Variants in GALNT17 observed in about 807,000 individuals in gnomAD.
The protein encoded by GALNT17 is UDP-GalNAc:polypeptide N-acetylgalactosaminyltransferase-like 3.
Under a neutral mutation model 63.7 loss-of-function variants are expected in GALNT17, and 29 were observed. The observed-to-expected ratio is 0.46, with a 90% CI of 0.34 to 0.62. The LOEUF (loss-of-function observed/expected upper bound fraction) is 0.62. Ranked by LOEUF, GALNT17 falls within the 20% of genes least tolerant of loss-of-function variation. The probability of loss-of-function intolerance (pLI) is 0.01; values close to 1 mark genes in which losing one functional copy is unlikely to be tolerated. For synonymous variants in GALNT17, 305 were observed against 318.3 expected, an observed-to-expected ratio of 0.96 and a Z score of 0.45; for missense variants, 603 against 799.6, an observed-to-expected ratio of 0.75 and a Z score of 2.97.
intron 5 of GALNT17, among the ~76,000 whole-genome samples, chr7:71,531,792 G>A (rs1358484870): frequency 6.6e-6 from 1 of 152,126 alleles, no homozygotes; most frequent in Non-Finnish European, 1.5e-5. Flanking sequence ...AGCGGGGTCC[G>A]GTCAGGAAGA....
At chr7:71,300,077 C>G in intron 1 of GALNT17, among the ~76,000 whole-genome samples, 1 of 151,954 alleles carries the variant, frequency 6.6e-6, no homozygotes, top group East Asian at 1.9e-4. Context: ...TGCACCCTGC[C>G]CTGGAGGGAA....
chr7:71,605,895 G>A (rs1036063041), intron 6 of GALNT17, among the ~76,000 whole-genome samples: 3 of 152,152 alleles, frequency 2.0e-5, no homozygotes, highest in Non-Finnish European at 2.9e-5. Flanking sequence ...TTGATTGACT[G>A]AGACAGGATC....
At chr7:71,630,929 G>C (rs997206106) in intron 6 of GALNT17, among the ~76,000 whole-genome samples, 6 of 152,182 alleles carry the variant, frequency 3.9e-5, no homozygotes, top group African/African-American at 1.4e-4. Context: ...GATAAATTAG[G>C]GTACAGGTAC....
chr7:71,319,768 G>A (rs1359916956), intron 1 of GALNT17, among the ~76,000 whole-genome samples: 1 of 152,210 alleles, frequency 6.6e-6, no homozygotes, highest in Non-Finnish European at 1.5e-5. Context: ...ACATGTATAA[G>A]TGAGTTGTTC....
chr7:71,366,466 A>T (rs1247593886), intron 2 of GALNT17, among the ~76,000 whole-genome samples: 3 of 152,138 alleles, frequency 2.0e-5, no homozygotes, highest in African/African-American at 7.2e-5. Flanking sequence ...CTGTAATCCC[A>T]GTTACTCGGG....
At chr7:71,383,344 C>T (rs1273699914) in intron 2 of GALNT17, among the ~76,000 whole-genome samples, 5 of 152,142 alleles carry the variant, frequency 3.3e-5, no homozygotes, top group Non-Finnish European at 5.9e-5. Flanking sequence ...TACGCACATC[C>T]TCACATATAC....
chr7:71,154,810 T>A (rs1378534523), intron 1 of GALNT17, among the ~76,000 whole-genome samples: 1 of 151,820 alleles, frequency 6.6e-6, no homozygotes, highest in Non-Finnish European at 1.5e-5. Flanking sequence ...TCTCCTGACC[T>A]CATGATCCAC....
At position 71,648,064 on chromosome 7, in the gene GALNT17, G is replaced by A. The variant is rs184549253; in HGVS notation, c.1081-17347G>A. Among the ~76,000 whole-genome samples the A allele has an allele frequency of 1.7e-3, 265 of 152,230 alleles. 1 individual carries two copies. Among genetic ancestry groups the A allele is most frequent in the African/African-American group, 6.0e-3 (250 of 41,544 alleles). ...TCCTCACAGTCATTATCTCCAACCT[G>A]CCCCTCCCATGGGCCCACACAGAGG... On this transcript the variant is annotated intron_variant, in intron 6 of 10. Transcript: ENST00000333538.
chr7:71,335,142 A>T (rs148735915), intron 1 of GALNT17, among the ~76,000 whole-genome samples: 4,735 of 151,832 alleles, frequency 0.031, 97 homozygotes, highest in South Asian at 0.061. Flanking sequence ...TTATTTATTT[A>T]TTTTTTTGAG....
intron 6 of GALNT17, among the ~76,000 whole-genome samples, chr7:71,657,169 G>C (rs1790841081): frequency 6.6e-6 from 1 of 152,174 alleles, no homozygotes; most frequent in Non-Finnish European, 1.5e-5. Flanking sequence ...CTGCCTCACT[G>C]TTAGGGCAGT....
At chr7:71,543,694 C>T (rs1268374442) in intron 5 of GALNT17, among the ~76,000 whole-genome samples, 1 of 90,824 alleles carries the variant, frequency 1.1e-5, no homozygotes, top group Non-Finnish European at 2.5e-5. Context: ...TGCAGCGTTT[C>T]AGCAGGTTTT....
At chr7:71,252,980 G>A (rs1463576615) in intron 1 of GALNT17, among the ~76,000 whole-genome samples, 1 of 152,164 alleles carries the variant, frequency 6.6e-6, no homozygotes, top group Non-Finnish European at 1.5e-5. Context: ...CCACTCATCT[G>A]AGCCATATGC....
At chr7:71,393,526 C>T (rs1015938824) in intron 3 of GALNT17, among the ~76,000 whole-genome samples, 1 of 151,980 alleles carries the variant, frequency 6.6e-6, no homozygotes, top group Admixed American at 6.5e-5. Flanking sequence ...CTTTTTCCCC[C>T]GAAGTGTAAA....
At chr7:71,421,154 G>A (rs1786657628) in intron 5 of GALNT17, 49 bp downstream of exon 5, 2 of 1,599,834 alleles carry the variant, frequency 1.3e-6, no homozygotes, top group Middle Eastern at 1.7e-4. Context: ...AAATTCAAGG[G>A]TAAAAAGGAG....
chr7:71,492,295 T>A (rs954768561), intron 5 of GALNT17, among the ~76,000 whole-genome samples: 3 of 152,076 alleles, frequency 2.0e-5, no homozygotes, highest in Non-Finnish European at 2.9e-5. Context: ...ATAAATAAAT[T>A]AATTAAATTA....
chr7:71,169,290 TC>T (rs1258892149), intron 1 of GALNT17, among the ~76,000 whole-genome samples: 1 of 152,070 alleles, frequency 6.6e-6, no homozygotes, highest in African/African-American at 2.4e-5. Context: ...TCCGCCAGCA[TC>T]CCCCCTAGGC....
rs71089976 is a variant in GALNT17 at position 71,680,859 on chromosome 7, T to TTTCC, written c.1500+3572_1500+3575dup. The stretch of plus-strand genomic sequence containing the variant: ...TTTCTTCCTTTCCTTTCCTTTTTTC[T>TTTCC]TTCCTTCCTTCCTTCCTTCCTTTTC... On this transcript the variant is annotated intron_variant, in intron 9 of 10. Coordinates refer to ENST00000333538, the MANE Select transcript of GALNT17 (RefSeq NM_022479.3). Among the ~76,000 whole-genome samples the TTTCC allele has an allele frequency of 2.4e-4, 30 of 123,952 alleles. No individual in the cohort carries two copies. The South Asian group carries it at 6.3e-3, about 26-fold the overall frequency. The allele number at this position is 123,952 out of a possible 152,430, so 81.3% of individuals were successfully genotyped here. A position where few individuals can be genotyped will look rare whatever the true frequency, so the allele number is the denominator to read the frequency against.
At chr7:71,350,597 A>G (rs543596181) in intron 2 of GALNT17, among the ~76,000 whole-genome samples, 1 of 152,368 alleles carries the variant, frequency 6.6e-6, no homozygotes, top group Admixed American at 6.5e-5. Flanking sequence ...TTTGCATTGT[A>G]TTACATATTA....
chr7:71,312,826 C>T (rs1791433892), intron 1 of GALNT17, among the ~76,000 whole-genome samples: 1 of 152,176 alleles, frequency 6.6e-6, no homozygotes, highest in African/African-American at 2.4e-5. Context: ...CAGCCCATAA[C>T]AGCTTGTAAG....
Sources: gnomAD v4.1 joint callset for allele counts (sites outside exome capture counted in the v4.1 genomes callset) on GRCh38, gnomAD v4.1.1 for gene constraint, MANE v1.5 for transcripts, NCBI Gene and HGNC (gene_info 2026-07-23, HGNC 2026-07-21) for gene names.